MINK1: variants seen among roughly 807,000 people sequenced by gnomAD.
The protein encoded by MINK1 is misshapen-like kinase 1.
MINK1 carries 46 observed loss-of-function variants against 178.4 expected under a neutral mutation model. The observed-to-expected ratio is 0.26, with a 90% CI of 0.20 to 0.33. The LOEUF is 0.33. Among genes scored for constraint, MINK1 ranks in the 10% least tolerant of loss-of-function variants. The pLI, the probability that MINK1 is intolerant of heterozygous loss-of-function variation, is 1.00. For missense variants in MINK1, 1,366 were observed against 1,814.9 expected (o/e 0.75, Z 4.49); for synonymous variants, 797 against 709.7 (o/e 1.12, Z -1.96).
chr17:4,868,742 T>G (rs1379949036), intron 1 of MINK1: 2 of 199,410 alleles, frequency 1.0e-5, no homozygotes, highest in East Asian at 3.8e-4. Context: ...TACTGATTTC[T>G]TCTCTTTTTT....
intron 1 of MINK1, among the ~76,000 whole-genome samples, chr17:4,874,219 G>GAGTT (rs1966962394): frequency 2.0e-5 from 3 of 152,166 alleles, no homozygotes. Context: ...TCTAATTCGG[G>GAGTT]AGTTATTACA....
chr17:4,886,679 C>T lies in MINK1; in HGVS notation c.949+53C>T. 6.7e-7 allele frequency: 1 copy of T among 1,487,682 alleles called. No individual in the cohort carries two copies. The highest frequency in any genetic ancestry group is 8.9e-7 in the Non-Finnish European group (1 of 1,118,574). The allele number at this position is 1,487,682 out of a possible 1,614,324, so 92.2% of individuals were successfully genotyped here. The stretch of plus-strand genomic sequence containing the variant: ...TACTAGGGGACACTCCAGCCTGGCT[C>T]CTCTCTGCCAGCCCTGCTCGCTCCT... On this transcript the variant is annotated intron_variant, in intron 10 of 31. Transcript: ENST00000355280. This position sits in a 1 kb window ranked among gnomAD's most constrained non-coding sequence, Gnocchi z 6.1.
chr17:4,886,304 T>G lies in MINK1; in HGVS notation c.773+106T>G, dbSNP rs1276807149. ...GCTTGGATCTCACCAGAGAAGAGAT[T>G]CTGGGGGGCAGAGGGCGGTGACTGG... On this transcript the variant is annotated intron_variant, in intron 9 of 31. Transcript: ENST00000355280. This position sits in a 1 kb window ranked among gnomAD's most constrained non-coding sequence, Gnocchi z 6.1. 2.0e-6 allele frequency: 3 copies of G among 1,523,878 alleles called. No homozygotes were observed. In the African/African-American group the frequency reaches 4.1e-5, roughly 21 times the overall value. 94.4% of individuals were successfully genotyped at this position (1,523,878 alleles called of 1,614,324 possible). A position where few individuals can be genotyped will look rare whatever the true frequency, so the allele number is the denominator to read the frequency against.
At position 4,894,081 on chromosome 17, in the gene MINK1, G is replaced by A; in HGVS notation, c.2658G>A (p.Met886Ile). ...AGCCCCCATACGGGGGCGGCACCAT[G>A]GTGGTCCAGCGCGTGAGTGAGCCTC... ...GTQPPYGGGTMVVQRTPEEER... is the reference protein window; with the variant it reads ...GTQPPYGGGTIVVQRTPEEER... The change falls in exon 22 of 32, where the codon ATG (methionine) becomes ATA (isoleucine). Residue 886 changes from methionine (M) to isoleucine (I), a missense_variant. By Grantham distance (10) the Met-to-Ile change is conservative (BLOSUM62 1). Around this residue, in one of 14 missense-constraint regions of MINK1, gnomAD observed 709 missense variants for 692.3 expected, o/e 1.02. Transcript: ENST00000355280. This position sits in a 1 kb window ranked among gnomAD's most constrained non-coding sequence, Gnocchi z 4.1. 1 of 1,590,574 alleles carries A rather than the reference G, an allele frequency of 6.3e-7. No homozygotes were observed. The highest frequency in any genetic ancestry group is 8.6e-7 in the Non-Finnish European group (1 of 1,166,836).
intron 1 of MINK1, among the ~76,000 whole-genome samples, chr17:4,845,887 C>T (rs149178565): frequency 0.013 from 2,031 of 152,318 alleles, 51 homozygotes; most frequent in African/African-American, 0.046. Flanking sequence ...AGTGATCCAC[C>T]TGCCTTGGCC....
intron 1 of MINK1, among the ~76,000 whole-genome samples, chr17:4,859,809 A>C (rs1913838783): frequency 6.6e-6 from 1 of 150,620 alleles, no homozygotes; most frequent in Non-Finnish European, 1.5e-5. Context: ...AAAAAAAAAA[A>C]AAAAAAGATG....
chr17:4,842,917 G>A (rs1311205062), intron 1 of MINK1, among the ~76,000 whole-genome samples: 2 of 152,188 alleles, frequency 1.3e-5, no homozygotes, highest in Non-Finnish European at 2.9e-5. Context: ...TTGCCCTAGT[G>A]TATCCTTTCA....
At chr17:4,851,145 C>A in intron 1 of MINK1, 1 of 394,314 alleles carries the variant, frequency 2.5e-6, no homozygotes, top group South Asian at 1.8e-5. Flanking sequence ...TTTGGTAAAT[C>A]ACTTTTTGCC....
intron 1 of MINK1, among the ~76,000 whole-genome samples, chr17:4,840,947 G>T (rs578230877): frequency 6.6e-6 from 1 of 152,228 alleles, no homozygotes; most frequent in South Asian, 2.1e-4. Flanking sequence ...AGCCTGGGTG[G>T]CTGGAGAGAG....
At chr17:4,897,002 C>A in intron 31 of MINK1, 189 bp downstream of exon 31, 2 of 961,420 alleles carry the variant, frequency 2.1e-6, no homozygotes, top group Non-Finnish European at 3.0e-6. Flanking sequence ...TCCCAGCTGG[C>A]CCCCAGGGGG....
intron 1 of MINK1, chr17:4,857,172 C>T: frequency 3.3e-6 from 1 of 301,288 alleles, no homozygotes; most frequent in Non-Finnish European, 6.7e-6. Flanking sequence ...CGCCACTAGG[C>T]CATAGATGGT....
At position 4,894,269 on chromosome 17, in the gene MINK1, C is replaced by G. The variant is rs780709370; in HGVS notation, c.2766C>G (p.Asn922Lys). The G allele has an allele frequency of 6.2e-7, 1 of 1,613,268 alleles. No homozygotes were observed. Among genetic ancestry groups the G allele is most frequent in the African/African-American group, 1.3e-5 (1 of 75,026 alleles). Reference protein sequence around the residue: ...VVQPSHSPTENSKGQSPPSKD... With the variant: ...VVQPSHSPTEKSKGQSPPSKD... ...AGCCCAGCCACTCACCCACCGAGAA[C>G]AGCAAAGGCCAAAGCCCACCCTCGA... is the stretch of plus-strand genomic sequence containing the variant. Residue 922 changes from asparagine (N) to lysine (K), a missense_variant, in exon 23 of 32, where the codon AAC becomes AAG. By Grantham distance (94) the Asn-to-Lys change is moderately conservative. Around this residue, in one of 14 missense-constraint regions of MINK1, gnomAD observed 709 missense variants for 692.3 expected, o/e 1.02. Coordinates refer to ENST00000355280, the MANE Select transcript of MINK1 (RefSeq NM_153827.5). This position sits in a 1 kb window ranked among gnomAD's most constrained non-coding sequence, Gnocchi z 4.1.
chr17:4,895,124 G>A lies in MINK1; in HGVS notation c.2967G>A (p.Val989=). ...GTRLDQLQYD[V]RKGSVVNVNP... is the part of the protein sequence containing the mutation. ...GGCTCGACCAGCTGCAGTACGACGT[G>A]AGGAAGGGTTCTGTGGTCAACGTGA... Residue 989 remains valine, a synonymous_variant, in exon 25 of 32, where the codon GTG becomes GTA. Coordinates refer to ENST00000355280, the MANE Select transcript of MINK1 (RefSeq NM_153827.5). This position sits in a 1 kb window ranked among gnomAD's most constrained non-coding sequence, Gnocchi z 4.3. The A allele has an allele frequency of 6.2e-7, 1 of 1,613,864 alleles. No homozygotes were observed. Among genetic ancestry groups the A allele is most frequent in the Non-Finnish European group, 8.5e-7 (1 of 1,180,016 alleles).
In MINK1 at chr17:4,891,200, G is replaced by GCGCACACACACACACA. The variant is rs781594150; in HGVS notation, c.1740+77_1740+78insGCACACACACACACAC. 3.0e-5 allele frequency: 30 copies of GCGCACACACACACACA among 1,004,234 alleles called. No homozygotes were observed. In the Middle Eastern group the frequency reaches 1.0e-3, roughly 35 times the overall value. The allele number at this position is 1,004,234 out of a possible 1,614,324, so 62.2% of individuals were successfully genotyped here. A position where few individuals can be genotyped will look rare whatever the true frequency, so the allele number is the denominator to read the frequency against. On this transcript the variant is annotated intron_variant, in intron 15 of 31. Coordinates refer to ENST00000355280, the MANE Select transcript of MINK1 (RefSeq NM_153827.5). ...AGAGCACAGGTACACACACACGCGC[G>GCGCACACACACACACA]CACACACACACACACACACACACAC...
chr17:4,892,363 C>G (rs1437058248), intron 17 of MINK1, 39 bp from the exon 18 acceptor site: 2 of 1,464,310 alleles, frequency 1.4e-6, no homozygotes, highest in Admixed American at 2.1e-5. Context: ...CTCAGCGCCC[C>G]CCCGCCGCCC....
Position 4,852,064 on chromosome 17 carries a change from G to A in MINK1, c.57+18424G>A, listed in dbSNP as rs1187354970. On this transcript the variant is annotated intron_variant, in intron 1 of 31. Transcript: ENST00000355280. ...CACTCTCTGGTAAAACATTTACCAA[G>A]CATATAAATTATGAGGTGCTGATTC... is the stretch of plus-strand genomic sequence containing the variant. Among the ~76,000 whole-genome samples, 14 of 143,438 alleles carry A rather than the reference G, an allele frequency of 9.8e-5. No individual in the cohort carries two copies. In the South Asian group the frequency reaches 1.1e-3, roughly 11 times the overall value. 94.1% of individuals were successfully genotyped at this position (143,438 alleles called of 152,430 possible).
intron 1 of MINK1, among the ~76,000 whole-genome samples, chr17:4,874,320 A>G (rs1966972899): frequency 6.6e-6 from 1 of 152,248 alleles, no homozygotes; most frequent in Admixed American, 6.5e-5. Flanking sequence ...GCCCAGTGCA[A>G]GGCAAATGGA....
intron 1 of MINK1, chr17:4,859,229 T>G: frequency 3.0e-6 from 3 of 985,352 alleles, no homozygotes; most frequent in Non-Finnish European, 3.6e-6. Context: ...TGGTTCCAGT[T>G]CTTCTACCAT....
Position 4,896,123 on chromosome 17 carries a change from C to T in MINK1, c.3465+20C>T, listed in dbSNP as rs1252399909. On this transcript the variant is annotated intron_variant, in intron 28 of 31. Coordinates refer to ENST00000355280, the MANE Select transcript of MINK1 (RefSeq NM_153827.5). This position sits in a 1 kb window ranked among gnomAD's most constrained non-coding sequence, Gnocchi z 4.6. Reference sequence around the variant, plus strand: ...TTCAAGGTAATCCCAGCCTCGGTCCCTAACACCATCTGGAGTCCCAGCGCC... The same window carrying T: ...TTCAAGGTAATCCCAGCCTCGGTCCTTAACACCATCTGGAGTCCCAGCGCC... 1.2e-6 allele frequency: 2 copies of T among 1,606,216 alleles called. No homozygotes were observed. Among genetic ancestry groups the T allele is most frequent in the Admixed American group, 1.7e-5 (1 of 58,522 alleles).
Sources: allele counts gnomAD v4.1 joint callset (sites outside exome capture counted in the v4.1 genomes callset), GRCh38; gene constraint gnomAD v4.1.1; regional missense constraint gnomAD v4.1.1; non-coding constraint Gnocchi (gnomAD v3.1); transcripts MANE v1.5; gene names NCBI Gene and HGNC (gene_info 2026-07-23, HGNC 2026-07-21).